Variants in CELF2 observed in about 807,000 individuals in gnomAD.
The protein encoded by CELF2 is CUG triplet repeat RNA-binding protein 2.
CELF2 carries 8 observed loss-of-function variants against 62.6 expected under a neutral mutation model. The observed-to-expected ratio is 0.13, with a 90% CI of 0.07 to 0.23. The LOEUF is 0.23. CELF2 is among the 10% of genes least tolerant of loss of function. CELF2 has a pLI of 1.00. For missense variants in CELF2, 333 were observed against 671.0 expected (o/e 0.50, Z 5.56); for synonymous variants, 258 against 250.0 (o/e 1.03, Z -0.30).
the CELF2 span, among the ~76,000 whole-genome samples, chr10:10,551,098 G>A: frequency 1.1e-4 from 16 of 152,176 alleles, no homozygotes; most frequent in African/African-American, 2.4e-4. Flanking sequence ...TTATGTGACC[G>A]TCAATGTGGA....
the CELF2 span, among the ~76,000 whole-genome samples, chr10:10,596,477 T>C: frequency 6.6e-6 from 1 of 152,304 alleles, no homozygotes; most frequent in African/African-American, 2.4e-5. Flanking sequence ...TTTGCCATGG[T>C]GGGTGGGTAG....
At chr10:10,673,131 TA>T in the CELF2 span, among the ~76,000 whole-genome samples, 1 of 152,182 alleles carries the variant, frequency 6.6e-6, no homozygotes, top group Admixed American at 6.5e-5. Context: ...ATATTCACTT[TA>T]TATAACTTTA....
chr10:11,288,642 A>T lies in CELF2; in HGVS notation c.976+90A>T, dbSNP rs2091924910. The T allele has an allele frequency of 2.7e-6, 4 of 1,460,424 alleles. No individual in the cohort carries two copies. In the East Asian group the frequency reaches 9.6e-5, roughly 35 times the overall value. 90.5% of individuals were successfully genotyped at this position (1,460,424 alleles called of 1,614,324 possible). A position where few individuals can be genotyped will look rare whatever the true frequency, so the allele number is the denominator to read the frequency against. Reference sequence around the variant, plus strand: ...CCTCCAGGTGCGAGGGTGAGGCTAGACGTGTCCAGGATGGAGCCGGGATAC... The same window carrying T: ...CCTCCAGGTGCGAGGGTGAGGCTAGTCGTGTCCAGGATGGAGCCGGGATAC... On this transcript the variant is annotated intron_variant, in intron 9 of 12. Transcript: ENST00000633077.
the CELF2 span, among the ~76,000 whole-genome samples, chr10:10,496,066 G>GA: frequency 6.6e-6 from 1 of 152,016 alleles, no homozygotes; most frequent in Admixed American, 6.6e-5. Flanking sequence ...TCTGTCCATG[G>GA]AAACTCTATC....
intron 2 of CELF2, among the ~76,000 whole-genome samples, chr10:11,199,998 A>G (rs2058854737): frequency 6.6e-6 from 1 of 152,200 alleles, no homozygotes; most frequent in South Asian, 2.1e-4. Context: ...TCCAGAGAGT[A>G]GATTTCAGGG....
Position 11,227,127 on chromosome 10 carries a change from G to A in CELF2, c.354+9620G>A, listed in dbSNP as rs2066906253. ...CCAAGCTTTAGGCAGCAGGACAAGA[G>A]GCCGAGGTTGTGAAACAAACGGAAA... On this transcript the variant is annotated intron_variant, in intron 3 of 12. Transcript: ENST00000633077. The surrounding 1 kb of genome is among the most constrained non-coding windows in gnomAD (Gnocchi z 4.8). Among the ~76,000 whole-genome samples, 1 of 152,198 alleles carries A rather than the reference G, an allele frequency of 6.6e-6. No homozygotes were observed. Among genetic ancestry groups the A allele is most frequent in the Non-Finnish European group, 1.5e-5 (1 of 68,030 alleles).
intron 1 of CELF2, among the ~76,000 whole-genome samples, chr10:11,042,960 G>T (rs2062105622): frequency 6.6e-6 from 1 of 152,130 alleles, no homozygotes; most frequent in South Asian, 2.1e-4. Flanking sequence ...TGGCTTTTAG[G>T]AATAATGCTG....
chr10:11,192,893 G>T (rs1452688952), intron 2 of CELF2, among the ~76,000 whole-genome samples: 1 of 152,208 alleles, frequency 6.6e-6, no homozygotes, highest in African/African-American at 2.4e-5. Context: ...CTAACGTGCA[G>T]CCAAGGTTGA....
In CELF2 at chr10:10,931,238, G is replaced by A. The variant is rs1592075724; in HGVS notation, c.89+11239G>A. On this transcript the variant is annotated intron_variant, in intron 2 of 13. Coordinates refer to the CELF2 transcript ENST00000636488. This position sits in a 1 kb window ranked among gnomAD's most constrained non-coding sequence, Gnocchi z 6.1. ...TATATTGTGTTCATTTTTCAAATAA[G>A]CAACATTAGACTCACAAAACACTAT... 6.6e-6 allele frequency among the ~76,000 whole-genome samples: 1 copy of A among 152,182 alleles called. No individual in the cohort carries two copies. The highest frequency in any genetic ancestry group is 1.9e-4 in the East Asian group (1 of 5,174).
intron 1 of CELF2, among the ~76,000 whole-genome samples, chr10:10,863,633 C>CT (rs2060177560): frequency 6.6e-6 from 1 of 151,966 alleles, no homozygotes; most frequent in African/African-American, 2.4e-5. Context: ...TGGCAAAAAC[C>CT]ACAATTACTT....
intron 3 of CELF2, among the ~76,000 whole-genome samples, chr10:11,234,615 G>A: frequency 6.8e-6 from 1 of 147,220 alleles, no homozygotes; most frequent in East Asian, 2.0e-4. Flanking sequence ...CCGGGGGGCG[G>A]AGCCTGCAGT....
At chr10:10,825,587 A>G (rs1318476950) in intron 1 of CELF2, among the ~76,000 whole-genome samples, 1 of 152,194 alleles carries the variant, frequency 6.6e-6, no homozygotes, top group Non-Finnish European at 1.5e-5. Context: ...GGTAAAGCTA[A>G]TATTTGCACA....
chr10:10,761,828 G>C, the CELF2 span, among the ~76,000 whole-genome samples: 2 of 151,190 alleles, frequency 1.3e-5, no homozygotes, highest in Admixed American at 1.3e-4. Flanking sequence ...TGGGCTCCTG[G>C]GTCTCCAGCT....
At chr10:10,574,884 T>TTA in the CELF2 span, among the ~76,000 whole-genome samples, 11 of 91,728 alleles carry the variant, frequency 1.2e-4, no homozygotes, top group African/African-American at 5.0e-4. Context: ...TTTTTTTTTT[T>TTA]TTTTTTTTTT....
At chr10:11,175,857 C>T (rs2070883185) in intron 2 of CELF2, among the ~76,000 whole-genome samples, 1 of 152,150 alleles carries the variant, frequency 6.6e-6, no homozygotes, top group East Asian at 1.9e-4. Flanking sequence ...ATTCTCAGTG[C>T]TGAGAACATA....
intron 1 of CELF2, among the ~76,000 whole-genome samples, chr10:11,130,257 T>C (rs759824588): frequency 6.6e-6 from 1 of 152,232 alleles, no homozygotes; most frequent in Non-Finnish European, 1.5e-5. Flanking sequence ...GTAATTTCTG[T>C]TTAAACCATT....
chr10:10,545,441 G>T, the CELF2 span, among the ~76,000 whole-genome samples: 1 of 152,142 alleles, frequency 6.6e-6, no homozygotes, highest in Non-Finnish European at 1.5e-5. Flanking sequence ...TGCTTCAAAA[G>T]AAATGACACC....
the CELF2 span, among the ~76,000 whole-genome samples, chr10:10,762,567 G>T: frequency 5.9e-5 from 9 of 152,222 alleles, no homozygotes; most frequent in African/African-American, 2.2e-4. Flanking sequence ...TAACGCTCGG[G>T]AACTGAGACA....
intron 2 of CELF2, among the ~76,000 whole-genome samples, chr10:11,197,779 A>G (rs2058330705): frequency 6.6e-6 from 1 of 152,208 alleles, no homozygotes; most frequent in Admixed American, 6.5e-5. Flanking sequence ...CTGTCTCCTC[A>G]TGCTTAGTGT....
Sources: allele counts gnomAD v4.1 joint callset (sites outside exome capture counted in the v4.1 genomes callset), GRCh38; gene constraint gnomAD v4.1.1; non-coding constraint Gnocchi (gnomAD v3.1); transcripts MANE v1.5; gene names NCBI Gene and HGNC (gene_info 2026-07-23, HGNC 2026-07-21).